The following PHF3 variants were observed in gnomAD, a reference collection of about 807,000 sequenced individuals.
PHF3 encodes PHD finger protein 3.
In PHF3, 41 loss-of-function variants were observed where a neutral mutation model predicts 178.4. The ratio of observed to expected loss-of-function variants is 0.23; its 90% CI spans 0.18 to 0.30. The LOEUF is 0.30. PHF3 is among the 10% of genes least tolerant of loss of function. The pLI is 1.00. For synonymous variants in PHF3, 842 were observed against 800.5 expected (o/e 1.05, Z -0.88); for missense variants, 2,346 against 2,398.1 (o/e 0.98, Z 0.45).
In PHF3 at chr6:63,713,767, A is replaced by G; in HGVS notation, c.*59A>G. Reference sequence around the variant, plus strand: ...AACTGTTAAAATGTTGTATCTTGTAAACAAAAGAAAGATTGCCTGCTAGGA... The same window carrying G: ...AACTGTTAAAATGTTGTATCTTGTAGACAAAAGAAAGATTGCCTGCTAGGA... On this transcript the variant is annotated 3_prime_UTR_variant, in exon 16 of 16. Coordinates refer to ENST00000262043, the MANE Select transcript of PHF3 (RefSeq NM_001370348.2). 7.3e-7 allele frequency: 1 copy of G among 1,362,072 alleles called. No individual in the cohort carries two copies. The allele number at this position is 1,362,072 out of a possible 1,614,324, so 84.4% of individuals were successfully genotyped here. A position where few individuals can be genotyped will look rare whatever the true frequency, so the allele number is the denominator to read the frequency against.
At chr6:63,671,168 A>G (rs544960500) in intron 2 of PHF3, among the ~76,000 whole-genome samples, 7 of 152,106 alleles carry the variant, frequency 4.6e-5, no homozygotes, top group African/African-American at 1.7e-4. Flanking sequence ...ATAACATTCC[A>G]GGGATCAGCA....
chr6:63,712,698 G>A lies in PHF3; in HGVS notation c.5110G>A (p.Ala1704Thr), dbSNP rs1218979241. ...CAATGTAGAGGAAAAGTTGTGTTCTGCAGAGAAAAACTCGTGTGTTCAGCA... is the reference window on the plus strand; with the variant it reads ...CAATGTAGAGGAAAAGTTGTGTTCTACAGAGAAAAACTCGTGTGTTCAGCA... ...QINVEEKLCS[A>T]EKNSCVQQSD... Residue 1704 changes from alanine to threonine, a missense_variant, in exon 16 of 16, where the codon GCA (alanine) becomes ACA (threonine). Transcript: ENST00000262043. 3 of 1,613,946 alleles carry A rather than the reference G, an allele frequency of 1.9e-6. No homozygotes were observed. The highest frequency in any genetic ancestry group is 1.7e-6 in the Non-Finnish European group (2 of 1,179,956).
At chr6:63,698,940 CT>C (rs1486569925) in intron 8 of PHF3, among the ~76,000 whole-genome samples, 19 of 151,592 alleles carry the variant, frequency 1.3e-4, no homozygotes, top group Non-Finnish European at 2.4e-4. Context: ...CTATTTTTTT[CT>C]TAAATCTGAA....
rs1478859804 is a variant in PHF3 at position 63,723,770 on chromosome 6, G to C, written c.*10062G>C. Among the ~76,000 whole-genome samples, 2 of 149,086 alleles carry C rather than the reference G, an allele frequency of 1.3e-5. No individual in the cohort carries two copies. Among genetic ancestry groups the C allele is most frequent in the Non-Finnish European group, 3.0e-5 (2 of 67,520 alleles). Reference sequence around the variant, plus strand: ...TTAGGATATGATGCTCTAGTTATGGGTCATAAGTACACATTGGCATTATTA... The same window carrying C: ...TTAGGATATGATGCTCTAGTTATGGCTCATAAGTACACATTGGCATTATTA... On this transcript the variant is annotated 3_prime_UTR_variant, in exon 16 of 16. Transcript: ENST00000262043.
Position 63,721,138 on chromosome 6 carries a change from TGTAAG to T in PHF3, c.*7431_*7435del. 1 of 1,551,526 alleles carries T rather than the reference TGTAAG, an allele frequency of 6.4e-7. No individual in the cohort carries two copies. Among genetic ancestry groups the T allele is most frequent in the Non-Finnish European group, 8.7e-7 (1 of 1,146,798 alleles). ...CTATAATTTGGATCAATGTATTTAA[TGTAAG>T]AATTACCCATAAATTTTGCAGTTGA... On this transcript the variant is annotated 3_prime_UTR_variant, in exon 16 of 16. Coordinates refer to ENST00000262043, the MANE Select transcript of PHF3 (RefSeq NM_001370348.2).
chr6:63,701,848 G>C (rs1767490996), intron 9 of PHF3, among the ~76,000 whole-genome samples: 1 of 152,098 alleles, frequency 6.6e-6, no homozygotes, highest in Admixed American at 6.6e-5. Flanking sequence ...GAAAATGCCA[G>C]CTTGTTCTTT....
At chr6:63,696,111 A>G (rs1169310909) in intron 6 of PHF3, among the ~76,000 whole-genome samples, 1 of 152,116 alleles carries the variant, frequency 6.6e-6, no homozygotes, top group African/African-American at 2.4e-5. Flanking sequence ...TGGATTTCAG[A>G]TTTTCTGATT....
intron 13 of PHF3, among the ~76,000 whole-genome samples, chr6:63,707,743 G>T: frequency 2.0e-5 from 3 of 148,744 alleles, no homozygotes; most frequent in Admixed American, 6.7e-5. Context: ...TTTTTTTAAG[G>T]CTAACATAAA....
intron 8 of PHF3, among the ~76,000 whole-genome samples, 197 bp from the exon 9 acceptor site, chr6:63,700,153 A>G (rs917409598): frequency 6.7e-6 from 1 of 149,522 alleles, no homozygotes; most frequent in Non-Finnish European, 1.5e-5. Flanking sequence ...GTTGATTTTT[A>G]TATGAAATGT....
chr6:63,685,957 T>G (rs763298746), intron 4 of PHF3, 46 bp downstream of exon 4: 1 of 1,409,634 alleles, frequency 7.1e-7, no homozygotes, highest in Non-Finnish European at 9.7e-7. Context: ...TGAAAATAAA[T>G]TGCTTTTTTG....
rs1301604881 is a variant in PHF3, at chr6:63,680,016, T to C, written c.261T>C (p.Asp87=). The C allele has an allele frequency of 1.2e-6, 2 of 1,610,524 alleles. No homozygotes were observed. The highest frequency in any genetic ancestry group is 1.7e-5 in the Admixed American group (1 of 59,528). Residue 87 remains aspartate (D), a synonymous_variant, in exon 3 of 16, where the codon GAT becomes GAC. Transcript: ENST00000262043. ...MPCSTVVGLD[D]IMDEGVVKES... is the part of the protein sequence containing the mutation. ...TTTTTCTAGTTGTTGGTCTTGACGA[T>C]ATTATGGATGAAGGAGTTGTTAAAG... is the stretch of plus-strand genomic sequence containing the variant.
Position 63,718,161 on chromosome 6 carries a change from G to C in PHF3, c.*4453G>C, listed in dbSNP as rs546089429. 2.6e-5 allele frequency among the ~76,000 whole-genome samples: 4 copies of C among 152,118 alleles called. No individual in the cohort carries two copies. The South Asian group carries it at 8.3e-4, about 32-fold the overall frequency. ...ATAGGAGAAAAGGCAGCAGTTTTCA[G>C]TTCTTAAATATTGTCTGCCTATTCT... is the stretch of plus-strand genomic sequence containing the variant. On this transcript the variant is annotated 3_prime_UTR_variant, in exon 16 of 16. Transcript: ENST00000262043.
rs369978328 is a variant in PHF3 at position 63,718,068 on chromosome 6, T to A, written c.*4360T>A. ...TAGCAAAAATAGGAAGCGGGAATAG[T>A]GTTGATTTGTTACATGAACTTTCCA... On this transcript the variant is annotated 3_prime_UTR_variant, in exon 16 of 16. Coordinates refer to ENST00000262043, the MANE Select transcript of PHF3 (RefSeq NM_001370348.2). 3.7e-4 allele frequency among the ~76,000 whole-genome samples: 57 copies of A among 152,116 alleles called. 1 individual carries two copies. In the East Asian group the frequency reaches 0.011, roughly 28 times the overall value.
intron 2 of PHF3, among the ~76,000 whole-genome samples, chr6:63,647,759 T>C (rs1052416837): frequency 6.6e-6 from 1 of 152,206 alleles, no homozygotes; most frequent in African/African-American, 2.4e-5. Context: ...AGAGAAAATA[T>C]TACTGTAAAC....
intron 5 of PHF3, among the ~76,000 whole-genome samples, chr6:63,692,984 C>T (rs2149592705): frequency 1.3e-5 from 2 of 152,304 alleles, no homozygotes; most frequent in East Asian, 3.9e-4. Flanking sequence ...TTCTTTCAGG[C>T]ATTCCTTGTA....
chr6:63,667,394 C>T (rs572595506), intron 2 of PHF3, among the ~76,000 whole-genome samples: 2 of 152,108 alleles, frequency 1.3e-5, no homozygotes, highest in Non-Finnish European at 2.9e-5. Context: ...ACAGTATACT[C>T]ACATTTAGTC....
intron 4 of PHF3, among the ~76,000 whole-genome samples, chr6:63,687,443 C>T (rs1352545549): frequency 2.6e-5 from 4 of 152,134 alleles, no homozygotes; most frequent in African/African-American, 9.7e-5. Context: ...ACACATTACT[C>T]AAATATTCTG....
chr6:63,656,971 A>G (rs990579210), intron 2 of PHF3, among the ~76,000 whole-genome samples: 3 of 152,122 alleles, frequency 2.0e-5, no homozygotes, highest in African/African-American at 7.2e-5. Flanking sequence ...AATTGCAGTG[A>G]TGTATCTGCA....
chr6:63,655,173 C>G (rs190552826), intron 2 of PHF3, among the ~76,000 whole-genome samples: 1 of 152,242 alleles, frequency 6.6e-6, no homozygotes, highest in Admixed American at 6.5e-5. Flanking sequence ...AAGCAATTCT[C>G]CTGCCTCAGC....
Sources: gnomAD v4.1 joint callset for allele counts (sites outside exome capture counted in the v4.1 genomes callset) on GRCh38, gnomAD v4.1.1 for gene constraint, MANE v1.5 for transcripts, NCBI Gene and HGNC (gene_info 2026-07-23, HGNC 2026-07-21) for gene names.